The following OXSR1 variants were observed in gnomAD, a reference collection of about 807,000 sequenced individuals.
The protein encoded by OXSR1 is oxidative stress responsive kinase 1, also known as serine/threonine-protein kinase OSR1.
OXSR1 carries 24 observed loss-of-function variants against 79.8 expected under a neutral mutation model. The ratio of observed to expected loss-of-function variants is 0.30; its 90% CI spans 0.22 to 0.42. The LOEUF is 0.42. Ranked by LOEUF, OXSR1 falls within the 10% of genes least tolerant of loss-of-function variation. The pLI is 1.00. For synonymous variants in OXSR1, 226 were observed against 209.2 expected (o/e 1.08, Z -0.69); for missense variants, 430 against 618.4 (o/e 0.70, Z 3.23).
At chr3:38,207,381 G>A (rs565193524) in intron 4 of OXSR1, among the ~76,000 whole-genome samples, 2 of 152,290 alleles carry the variant, frequency 1.3e-5, no homozygotes, top group South Asian at 2.1e-4. Flanking sequence ...TTTTATTGCT[G>A]TACCAGCTCT....
Position 38,228,785 on chromosome 3 carries a change from G to T in OXSR1, c.837-902G>T, listed in dbSNP as rs9835649. On this transcript the variant is annotated intron_variant, in intron 8 of 17. Transcript: ENST00000311806. ...GACTGGGTGTCACCATATTGGCCAG[G>T]CTGGTCTTGAACTCCTGATATCGTG... is the stretch of plus-strand genomic sequence containing the variant. 6.6e-3 allele frequency among the ~76,000 whole-genome samples: 1,000 copies of T among 152,274 alleles called. 10 individuals are homozygous for T. Among genetic ancestry groups the T allele is most frequent in the African/African-American group, 0.023 (963 of 41,538 alleles).
rs558828679 is a variant in OXSR1 at position 38,208,880 on chromosome 3, C to T, written c.435-7216C>T. Among the ~76,000 whole-genome samples the T allele has an allele frequency of 3.0e-3, 451 of 151,574 alleles. 1 individual carries two copies. Among genetic ancestry groups the T allele is most frequent in the African/African-American group, 0.01 (417 of 41,322 alleles). ...TTGCGTCACTGCACTCCAGCCTGGGCGACAGAGCAAGACTCCATCTCAAAA... is the reference window on the plus strand; with the variant it reads ...TTGCGTCACTGCACTCCAGCCTGGGTGACAGAGCAAGACTCCATCTCAAAA... On this transcript the variant is annotated intron_variant, in intron 4 of 17. Coordinates refer to ENST00000311806, the MANE Select transcript of OXSR1 (RefSeq NM_005109.3).
intron 1 of OXSR1, among the ~76,000 whole-genome samples, chr3:38,166,237 T>A (rs1178102435): frequency 6.6e-6 from 1 of 151,992 alleles, no homozygotes; most frequent in Non-Finnish European, 1.5e-5. Context: ...CCATGTGTCT[T>A]GTAGAGAAAG....
At chr3:38,210,371 C>T (rs1702361283) in intron 4 of OXSR1, among the ~76,000 whole-genome samples, 1 of 152,168 alleles carries the variant, frequency 6.6e-6, no homozygotes, top group Non-Finnish European at 1.5e-5. Flanking sequence ...TGGTTAAGCT[C>T]TGATAAAATA....
intron 4 of OXSR1, among the ~76,000 whole-genome samples, chr3:38,215,200 G>A (rs905793065): frequency 6.6e-6 from 1 of 152,150 alleles, no homozygotes; most frequent in African/African-American, 2.4e-5. Flanking sequence ...AATAATGTAT[G>A]TTAGCATTTC....
intron 15 of OXSR1, among the ~76,000 whole-genome samples, chr3:38,251,023 A>G (rs903672095): frequency 2.6e-5 from 4 of 152,232 alleles, no homozygotes; most frequent in Non-Finnish European, 4.4e-5. Context: ...TGATTTTAGC[A>G]AAAAACTTGG....
At chr3:38,222,841 A>G (rs180733614) in intron 6 of OXSR1, among the ~76,000 whole-genome samples, 35 of 152,264 alleles carry the variant, frequency 2.3e-4, no homozygotes, top group African/African-American at 7.9e-4. Flanking sequence ...GATTCTTTCT[A>G]GTATTTTACT....
chr3:38,241,910 T>TA lies in OXSR1; in HGVS notation c.1075-821dup, dbSNP rs372523146. Among the ~76,000 whole-genome samples the TA allele has an allele frequency of 4.5e-3, 654 of 144,724 alleles. 1 individual carries two copies. The highest frequency in any genetic ancestry group is 9.7e-3 in the South Asian group (45 of 4,624). The allele number at this position is 144,724 out of a possible 152,430, so 94.9% of individuals were successfully genotyped here. ...CTTAATGAAATGGTGATAAAAGTGT[T>TA]AAAAAAAAAAAACCATCAATTGATC... On this transcript the variant is annotated intron_variant, in intron 11 of 17. Transcript: ENST00000311806.
chr3:38,220,121 T>A (rs1006260063), intron 5 of OXSR1, among the ~76,000 whole-genome samples: 2 of 148,978 alleles, frequency 1.3e-5, no homozygotes, highest in African/African-American at 4.9e-5. Flanking sequence ...TTATTGTGTG[T>A]TTTTTTTTTA....
chr3:38,250,974 C>G (rs1703244688), intron 15 of OXSR1, among the ~76,000 whole-genome samples: 1 of 152,002 alleles, frequency 6.6e-6, no homozygotes. Flanking sequence ...CCTGGAATAA[C>G]TAGATAAGAA....
intron 12 of OXSR1, among the ~76,000 whole-genome samples, chr3:38,245,260 C>G (rs1021211450): frequency 6.6e-6 from 1 of 152,064 alleles, no homozygotes; most frequent in African/African-American, 2.4e-5. Flanking sequence ...CGTTTTTTCT[C>G]CCCCAGTAAC....
rs776369106 is a variant in OXSR1, at chr3:38,247,743, A to AT, written c.1322+17dup. On this transcript the variant is annotated intron_variant, in intron 14 of 17. Coordinates refer to ENST00000311806, the MANE Select transcript of OXSR1 (RefSeq NM_005109.3). ...AGTACTAAGATTAAGGTAAGTAGACATTTTTTGTTTTGTTTTCTTTTGTTT... is the reference window on the plus strand; with the variant it reads ...AGTACTAAGATTAAGGTAAGTAGACATTTTTTTGTTTTGTTTTCTTTTGTTT... The AT allele has an allele frequency of 1.9e-6, 3 of 1,587,604 alleles. No homozygotes were observed. The highest frequency in any genetic ancestry group is 1.7e-4 in the Middle Eastern group (1 of 6,012).
chr3:38,173,077 A>G (rs1575305020), intron 1 of OXSR1, among the ~76,000 whole-genome samples: 1 of 152,224 alleles, frequency 6.6e-6, no homozygotes, highest in South Asian at 2.1e-4. Context: ...TTTCTTTCCT[A>G]GATGCCTTAC....
intron 3 of OXSR1, among the ~76,000 whole-genome samples, chr3:38,191,473 AT>A (rs532054766): frequency 3.7e-4 from 56 of 151,912 alleles, no homozygotes; most frequent in Middle Eastern, 3.4e-3. Flanking sequence ...CATATTCTGG[AT>A]TTATCTAAGT....
chr3:38,166,055 G>T (rs1701445978), intron 1 of OXSR1, 109 bp downstream of exon 1: 1 of 1,003,868 alleles, frequency 1.0e-6, no homozygotes, highest in Admixed American at 2.0e-5. Context: ...AGGAATTCGT[G>T]GGGCGCTTGT....
At chr3:38,196,274 T>C (rs1317611306) in intron 3 of OXSR1, among the ~76,000 whole-genome samples, 1 of 152,356 alleles carries the variant, frequency 6.6e-6, no homozygotes, top group Middle Eastern at 3.4e-3. Flanking sequence ...GCATATTTTC[T>C]CTTCACCTTT....
At chr3:38,211,616 G>T (rs1240393884) in intron 4 of OXSR1, among the ~76,000 whole-genome samples, 2 of 152,180 alleles carry the variant, frequency 1.3e-5, no homozygotes, top group East Asian at 1.9e-4. Flanking sequence ...TCTTTCAAGG[G>T]TCTTGGTTTT....
At chr3:38,166,585 GT>G (rs2125796094) in intron 1 of OXSR1, among the ~76,000 whole-genome samples, 1 of 152,236 alleles carries the variant, frequency 6.6e-6, no homozygotes, top group East Asian at 1.9e-4. Flanking sequence ...GAGGTCGGGG[GT>G]TCGAGACCAG....
chr3:38,232,450 G>T (rs886792877), intron 10 of OXSR1, among the ~76,000 whole-genome samples: 2 of 151,118 alleles, frequency 1.3e-5, no homozygotes, highest in Non-Finnish European at 3.0e-5. Context: ...CCTACTAAAA[G>T]AACTGTTAAG....
Sources: gnomAD v4.1 joint callset for allele counts (sites outside exome capture counted in the v4.1 genomes callset) on GRCh38, gnomAD v4.1.1 for gene constraint, MANE v1.5 for transcripts, NCBI Gene and HGNC (gene_info 2026-07-23, HGNC 2026-07-21) for gene names.